The following STXBP5L variants were observed in gnomAD, a reference collection of about 807,000 sequenced individuals.
STXBP5L encodes the protein syntaxin-binding protein 5-like.
Under a neutral mutation model 144.5 loss-of-function variants are expected in STXBP5L, and 65 were observed. That is an observed-to-expected ratio of 0.45 (90% confidence interval 0.37 to 0.55). The LOEUF (loss-of-function observed/expected upper bound fraction) is 0.55. Among genes scored for constraint, STXBP5L ranks in the 20% least tolerant of loss-of-function variants. The pLI is 0.00. For synonymous variants in STXBP5L, 505 were observed against 469.6 expected, an observed-to-expected ratio of 1.08 and a Z score of -0.97; for missense variants, 1,298 against 1,405.5, an observed-to-expected ratio of 0.92 and a Z score of 1.22.
At chr3:120,952,684 A>G (rs1194745457) in intron 2 of STXBP5L, among the ~76,000 whole-genome samples, 1 of 152,078 alleles carries the variant, frequency 6.6e-6, no homozygotes, top group Non-Finnish European at 1.5e-5. Context: ...ACAACAATTA[A>G]TGTCATTTTT....
intron 11 of STXBP5L, among the ~76,000 whole-genome samples, chr3:121,232,917 C>T (rs573661876): frequency 7.9e-5 from 12 of 152,204 alleles, no homozygotes; most frequent in South Asian, 2.1e-4. Flanking sequence ...TCTATCTGAT[C>T]GGATCCTGCA....
intron 19 of STXBP5L, among the ~76,000 whole-genome samples, chr3:121,301,257 C>T (rs2051891236): frequency 6.6e-6 from 1 of 152,104 alleles, no homozygotes. Context: ...TAAAGAGGTC[C>T]TTCACATCCC....
intron 5 of STXBP5L, among the ~76,000 whole-genome samples, chr3:121,085,944 A>G (rs2042469269): frequency 6.6e-6 from 1 of 152,198 alleles, no homozygotes; most frequent in Non-Finnish European, 1.5e-5. Flanking sequence ...AGTAACCAAA[A>G]CAACATGGTA....
At chr3:121,241,138 C>T (rs2049652538) in intron 14 of STXBP5L, among the ~76,000 whole-genome samples, 1 of 151,984 alleles carries the variant, frequency 6.6e-6, no homozygotes, top group African/African-American at 2.4e-5. Context: ...CCAAGTAGGA[C>T]CCCTAAGTCT....
intron 7 of STXBP5L, among the ~76,000 whole-genome samples, chr3:121,147,701 T>A (rs983602206): frequency 1.3e-5 from 2 of 152,074 alleles, no homozygotes; most frequent in Non-Finnish European, 2.9e-5. Flanking sequence ...GTGAGGATGT[T>A]TTGGTTGAGA....
At chr3:121,172,002 A>G (rs1361068869) in intron 9 of STXBP5L, among the ~76,000 whole-genome samples, 1 of 152,190 alleles carries the variant, frequency 6.6e-6, no homozygotes, top group Non-Finnish European at 1.5e-5. Context: ...ACCAAAACTG[A>G]TATATAGACC....
chr3:121,094,027 G>T (rs1196596490), intron 5 of STXBP5L, among the ~76,000 whole-genome samples: 2 of 152,010 alleles, frequency 1.3e-5, no homozygotes, highest in Non-Finnish European at 2.9e-5. Flanking sequence ...ATTTTGTTAT[G>T]TGCCCAGTAG....
At position 121,421,680 on chromosome 3, in the gene STXBP5L, T is replaced by C. The variant is rs748900310; in HGVS notation, c.*2583T>C. 6.6e-6 allele frequency: 1 copy of C among 152,184 alleles called. No individual in the cohort carries two copies. Among genetic ancestry groups the C allele is most frequent in the Non-Finnish European group, 1.5e-5 (1 of 68,022 alleles). 9.4% of individuals were successfully genotyped at this position (152,184 alleles called of 1,614,324 possible). ...AAGATACAATTTTGAAGAAAGCTTA[T>C]AGGAATCAGTGAAAAATAACAACTA... On this transcript the variant is annotated 3_prime_UTR_variant, in exon 27 of 27. Coordinates refer to ENST00000471454, the MANE Select transcript of STXBP5L (RefSeq NM_001308330.2).
intron 9 of STXBP5L, among the ~76,000 whole-genome samples, chr3:121,168,525 C>T (rs996844155): frequency 9.2e-5 from 14 of 152,032 alleles, no homozygotes; most frequent in African/African-American, 3.1e-4. Context: ...AAACACGACA[C>T]GAGAACTTCG....
chr3:120,940,344 AG>A (rs150859871), intron 2 of STXBP5L, among the ~76,000 whole-genome samples: 11,565 of 151,970 alleles, frequency 0.076, 531 homozygotes, highest in Middle Eastern at 0.12. Flanking sequence ...GCAGGAAGAA[AG>A]ATGGAGTGGA....
chr3:121,103,457 T>C (rs2043534509), intron 5 of STXBP5L, among the ~76,000 whole-genome samples: 1 of 152,106 alleles, frequency 6.6e-6, no homozygotes, highest in Admixed American at 6.6e-5. Flanking sequence ...AAACAACACA[T>C]GTTCTCAAGT....
At chr3:120,951,736 A>G (rs1426667773) in intron 2 of STXBP5L, among the ~76,000 whole-genome samples, 1 of 152,074 alleles carries the variant, frequency 6.6e-6, no homozygotes, top group Non-Finnish European at 1.5e-5. Flanking sequence ...CCATTGTGGA[A>G]GTCAGTGTGG....
At chr3:121,028,554 A>G (rs192417668) in intron 3 of STXBP5L, among the ~76,000 whole-genome samples, 117 of 152,260 alleles carry the variant, frequency 7.7e-4, no homozygotes, top group East Asian at 1.4e-3. Context: ...TAGTAGAAAC[A>G]TCAAAAATAT....
At chr3:121,026,600 A>C (rs1421059027) in intron 3 of STXBP5L, among the ~76,000 whole-genome samples, 1 of 152,058 alleles carries the variant, frequency 6.6e-6, no homozygotes, top group African/African-American at 2.4e-5. Flanking sequence ...GTAGTTTCAG[A>C]GAAAAGATGG....
In STXBP5L at chr3:121,106,924, A is replaced by G. The variant is rs138107080; in HGVS notation, c.471-8001A>G. ...GCATCTGTTGTTTCTTGACTTTTTA[A>G]TGATCACCATTCTGACTGAAGTGAG... On this transcript the variant is annotated intron_variant, in intron 5 of 26. Transcript: ENST00000471454. Among the ~76,000 whole-genome samples, 14 of 152,258 alleles carry G rather than the reference A, an allele frequency of 9.2e-5. No individual in the cohort carries two copies. In the East Asian group the frequency reaches 2.7e-3, roughly 29 times the overall value.
chr3:121,376,133 T>C (rs2108673480), intron 20 of STXBP5L, among the ~76,000 whole-genome samples: 1 of 152,344 alleles, frequency 6.6e-6, no homozygotes, highest in East Asian at 1.9e-4. Context: ...GCACATATTC[T>C]AGCATTTGAC....
chr3:121,398,521 A>G (rs1265026280), intron 22 of STXBP5L, among the ~76,000 whole-genome samples: 2 of 152,248 alleles, frequency 1.3e-5, no homozygotes, highest in African/African-American at 4.8e-5. Flanking sequence ...GACACTGCTT[A>G]GCCCAATGTT....
chr3:121,312,446 C>CTTTTTTTTTTTTTTTTT (rs58989280), intron 19 of STXBP5L, among the ~76,000 whole-genome samples: 5 of 12,752 alleles, frequency 3.9e-4, no homozygotes, highest in Non-Finnish European at 4.7e-4. Context: ...GTATGTCAAT[C>CTTTTTTTTTTTTTTTTT]TTTTTTTTTT....
intron 3 of STXBP5L, among the ~76,000 whole-genome samples, chr3:121,017,791 G>T (rs1945246086): frequency 6.6e-6 from 1 of 150,918 alleles, no homozygotes; most frequent in Non-Finnish European, 1.5e-5. Context: ...AATAAATGGG[G>T]GGGTGGTGAA....
Sources: allele counts gnomAD v4.1 joint callset (sites outside exome capture counted in the v4.1 genomes callset), GRCh38; gene constraint gnomAD v4.1.1; transcripts MANE v1.5; gene names NCBI Gene and HGNC (gene_info 2026-07-23, HGNC 2026-07-21).